Variants in RGS7 observed in about 807,000 individuals in gnomAD.
RGS7 encodes the protein regulator of G-protein signaling 7.
RGS7 carries 27 observed loss-of-function variants against 81.1 expected under a neutral mutation model. The ratio of observed to expected loss-of-function variants is 0.33; its 90% CI spans 0.25 to 0.46. The LOEUF is 0.46. RGS7 is among the 20% of genes least tolerant of loss of function. The probability of loss-of-function intolerance (pLI) is 1.00; values close to 1 mark genes in which losing one functional copy is unlikely to be tolerated. For missense variants in RGS7, 396 were observed against 607.4 expected (o/e 0.65, Z 3.66); for synonymous variants, 208 against 207.7 (o/e 1.00, Z -0.01).
intron 3 of RGS7, among the ~76,000 whole-genome samples, chr1:240,993,392 G>A (rs1443470813): frequency 6.6e-6 from 1 of 152,100 alleles, no homozygotes; most frequent in African/African-American, 2.4e-5. Context: ...GCTAACATTA[G>A]TGTTCCTATT....
chr1:241,321,275 T>C (rs1207199749), intron 2 of RGS7, among the ~76,000 whole-genome samples: 1 of 152,184 alleles, frequency 6.6e-6, no homozygotes, highest in African/African-American at 2.4e-5. Context: ...TTGAACTTTA[T>C]TGCTCTTCCT....
intron 11 of RGS7, 117 bp downstream of exon 11, chr1:240,816,200 T>C: frequency 2.7e-6 from 2 of 751,236 alleles, no homozygotes; most frequent in South Asian, 1.5e-5. Flanking sequence ...ATCTTCCACA[T>C]GAAACAGTCA....
chr1:240,845,221 G>A (rs1658852507), intron 9 of RGS7, among the ~76,000 whole-genome samples: 1 of 152,130 alleles, frequency 6.6e-6, no homozygotes, highest in Admixed American at 6.6e-5. Flanking sequence ...GCATTTACTT[G>A]ACACAATCCA....
chr1:241,085,253 G>A (rs1032445207), intron 3 of RGS7, among the ~76,000 whole-genome samples: 10 of 152,142 alleles, frequency 6.6e-5, no homozygotes, highest in Non-Finnish European at 1.3e-4. Flanking sequence ...AAGAACACGA[G>A]AACATTTTGT....
At chr1:241,236,487 T>TATA (rs1196626693) in intron 2 of RGS7, among the ~76,000 whole-genome samples, 1 of 152,156 alleles carries the variant, frequency 6.6e-6, no homozygotes, top group East Asian at 1.9e-4. Context: ...CCATCACATG[T>TATA]ATAGTATGGT....
intron 2 of RGS7, among the ~76,000 whole-genome samples, chr1:241,347,243 A>C (rs989832177): frequency 3.9e-5 from 6 of 152,144 alleles, no homozygotes; most frequent in Non-Finnish European, 8.8e-5. Context: ...GCAGAGGAAG[A>C]CTTGGTCAGG....
intron 3 of RGS7, among the ~76,000 whole-genome samples, chr1:241,038,019 C>G (rs1430973647): frequency 6.6e-6 from 1 of 152,086 alleles, no homozygotes; most frequent in East Asian, 1.9e-4. Flanking sequence ...GTATACTGCT[C>G]AGGTATAATG....
intron 2 of RGS7, among the ~76,000 whole-genome samples, chr1:241,099,423 TAC>T (rs1242517152): frequency 6.6e-6 from 1 of 152,066 alleles, no homozygotes; most frequent in Admixed American, 6.6e-5. Flanking sequence ...CACGTGCATG[TAC>T]ACACACATGC....
At chr1:240,779,907 C>T (rs1683680358) in intron 18 of RGS7, among the ~76,000 whole-genome samples, 1 of 152,064 alleles carries the variant, frequency 6.6e-6, no homozygotes, top group South Asian at 2.1e-4. Context: ...TTAAGATACC[C>T]AAACCCAGAG....
At chr1:240,828,517 G>C (rs146547780) in intron 9 of RGS7, among the ~76,000 whole-genome samples, 1 of 152,150 alleles carries the variant, frequency 6.6e-6, no homozygotes, top group Non-Finnish European at 1.5e-5. Context: ...GGCCAGGTGC[G>C]GTGGCTCACG....
intron 2 of RGS7, among the ~76,000 whole-genome samples, chr1:241,235,943 A>G (rs889057575): frequency 6.8e-6 from 1 of 147,046 alleles, no homozygotes; most frequent in Non-Finnish European, 1.5e-5. Flanking sequence ...AAAGACAGAC[A>G]GAGACAGAGG....
At chr1:241,187,829 T>C (rs763864328) in intron 2 of RGS7, among the ~76,000 whole-genome samples, 1 of 152,224 alleles carries the variant, frequency 6.6e-6, no homozygotes, top group Non-Finnish European at 1.5e-5. Flanking sequence ...AAGGAACTGT[T>C]TAGCTTAATT....
At chr1:241,129,266 A>G (rs191448892) in intron 2 of RGS7, among the ~76,000 whole-genome samples, 3,838 of 151,972 alleles carry the variant, frequency 0.025, 73 homozygotes, top group Non-Finnish European at 0.039. Context: ...CAAACAAACA[A>G]ACAAAAAAAA....
intron 2 of RGS7, among the ~76,000 whole-genome samples, chr1:241,282,338 T>C (rs1251675423): frequency 2.0e-5 from 3 of 152,232 alleles, no homozygotes; most frequent in Non-Finnish European, 4.4e-5. Flanking sequence ...GTAAGTGGTA[T>C]GTATCTTTAA....
In RGS7 at chr1:240,930,222, C is replaced by CTTT. The variant is rs10676730; in HGVS notation, c.385+492_385+494dup. 3.1e-3 allele frequency among the ~76,000 whole-genome samples: 353 copies of CTTT among 113,844 alleles called. 10 individuals are homozygous for CTTT. The highest frequency in any genetic ancestry group is 0.011 in the African/African-American group (317 of 29,052). 74.7% of individuals were successfully genotyped at this position (113,844 alleles called of 152,430 possible). On this transcript the variant is annotated intron_variant, in intron 6 of 18. Transcript: ENST00000440928. Reference sequence around the variant, plus strand: ...ATTAGCATTGAATTTTCTTTTTTAGCTTTTTTTTTTTTTTTTTTGCTTGTA... The same window carrying CTTT: ...ATTAGCATTGAATTTTCTTTTTTAGCTTTTTTTTTTTTTTTTTTTTTGCTTGTA...
At chr1:241,297,606 T>G (rs1002532646) in intron 2 of RGS7, among the ~76,000 whole-genome samples, 4 of 151,992 alleles carry the variant, frequency 2.6e-5, no homozygotes, top group African/African-American at 9.7e-5. Flanking sequence ...AACCCAACAG[T>G]GTAATTGGCC....
intron 3 of RGS7, among the ~76,000 whole-genome samples, chr1:241,005,046 TCACATACATGAGGTGCCCAA>T (rs2058612654): frequency 6.6e-6 from 1 of 152,088 alleles, no homozygotes; most frequent in Non-Finnish European, 1.5e-5. Context: ...GCCTACAGGC[TCACATACATGAGGTGCCCAA>T]CACAGACTGA....
chr1:240,922,563 T>G (rs551345999), intron 6 of RGS7, among the ~76,000 whole-genome samples: 1 of 151,952 alleles, frequency 6.6e-6, no homozygotes, highest in Non-Finnish European at 1.5e-5. Flanking sequence ...AAATATAATA[T>G]CTGAACAGAA....
At chr1:240,882,059 C>T (rs754416949) in intron 6 of RGS7, among the ~76,000 whole-genome samples, 36 of 152,196 alleles carry the variant, frequency 2.4e-4, no homozygotes, top group Admixed American at 4.6e-4. Flanking sequence ...GAATTACAGG[C>T]ATGCATAGCC....
Sources: gnomAD v4.1 joint callset for allele counts (sites outside exome capture counted in the v4.1 genomes callset) on GRCh38, gnomAD v4.1.1 for gene constraint, MANE v1.5 for transcripts, NCBI Gene and HGNC (gene_info 2026-07-23, HGNC 2026-07-21) for gene names.